The following EPB42 variants were observed in gnomAD, a reference collection of about 807,000 sequenced individuals.
The protein encoded by EPB42 is erythrocyte membrane protein band 4.2.
In EPB42, 49 loss-of-function variants were observed where a neutral mutation model predicts 76.9. The ratio of observed to expected loss-of-function variants is 0.64; its 90% CI spans 0.51 to 0.81. EPB42 has a LOEUF of 0.81. Ranked by LOEUF, EPB42 falls within the 30% of genes least tolerant of loss-of-function variation. EPB42 has a pLI of 0.00. For synonymous variants in EPB42, 310 were observed against 338.4 expected, an observed-to-expected ratio of 0.92 and a Z score of 0.92; for missense variants, 731 against 867.6, an observed-to-expected ratio of 0.84 and a Z score of 1.98.
At position 43,206,702 on chromosome 15, in the gene EPB42, C is replaced by CCATTTACCCACTTCTGCTCAAAT; in HGVS notation, c.1319-74_1319-73insATTTGAGCAGAAGTGGGTAAATG. On this transcript the variant is annotated intron_variant, in intron 9 of 12. Transcript: ENST00000441366. This position sits in a 1 kb window ranked among gnomAD's most constrained non-coding sequence, Gnocchi z 4.7. The stretch of plus-strand genomic sequence containing the variant: ...ATGCTTCTAATAAAACCCTGGGAAT[C>CCATTTACCCACTTCTGCTCAAAT]AAAACCATTTACCCACTTCTGCTCA... The CCATTTACCCACTTCTGCTCAAAT allele has an allele frequency of 6.4e-7, 1 of 1,571,252 alleles. No individual in the cohort carries two copies. Among genetic ancestry groups the CCATTTACCCACTTCTGCTCAAAT allele is most frequent in the Non-Finnish European group, 8.7e-7 (1 of 1,146,864 alleles).
intron 2 of EPB42, 152 bp downstream of exon 2, chr15:43,216,116 C>T (rs1410266222): frequency 4.6e-6 from 4 of 875,894 alleles, no homozygotes. Flanking sequence ...AATCTCGTGG[C>T]ACCCTCATGA....
At position 43,209,563 on chromosome 15, in the gene EPB42, A is replaced by G. The variant is rs913434701; in HGVS notation, c.655-112T>C. The G allele has an allele frequency of 9.2e-6, 11 of 1,192,800 alleles. No individual in the cohort carries two copies. In the Admixed American group the frequency reaches 2.3e-4, roughly 25 times the overall value. 73.9% of individuals were successfully genotyped at this position (1,192,800 alleles called of 1,614,324 possible). A position where few individuals can be genotyped will look rare whatever the true frequency, so the allele number is the denominator to read the frequency against. On this transcript the variant is annotated intron_variant, in intron 5 of 12. Coordinates refer to ENST00000441366, the MANE Select transcript of EPB42 (RefSeq NM_001114134.2). ...CTCCAACCATGGTGAACAGATCCCC[A>G]GCATTAGAGCCACCTGGTACTGGTT...
chr15:43,202,751 T>G (rs1010195940), intron 11 of EPB42, among the ~76,000 whole-genome samples: 9 of 152,140 alleles, frequency 5.9e-5, no homozygotes, highest in Non-Finnish European at 8.8e-5. Flanking sequence ...CTCACTTTTT[T>G]CATCTGAATA....
At chr15:43,209,226 G>C (rs751362029) in intron 6 of EPB42, 48 bp downstream of exon 6, 1 of 1,609,936 alleles carries the variant, frequency 6.2e-7, no homozygotes, top group East Asian at 2.2e-5. Flanking sequence ...GGGAGGCCAG[G>C]GAACAACCCA....
chr15:43,211,276 G>T, intron 4 of EPB42, 140 bp downstream of exon 4: 1 of 756,468 alleles, frequency 1.3e-6, no homozygotes. Context: ...AGAGGAAGGA[G>T]AGGCACCACA....
Position 43,207,287 on chromosome 15 carries a change from GT to G in EPB42, c.1229del (p.Asn410ThrfsTer70), listed in dbSNP as rs746144395. 1 of 1,614,190 alleles carries G rather than the reference GT, an allele frequency of 6.2e-7. No individual in the cohort carries two copies. The highest frequency in any genetic ancestry group is 1.3e-5 in the African/African-American group (1 of 75,030). ...TGATGTTGTTGCCAACATACTTTGT[GT>G]TGGAGTCAGTCAACTCCAGTGTCCC... Reference protein sequence around the residue: ...EDGTLELTDSNTKYVGNNIST... With the variant: ...EDGTLELTDSXTKYVGNNIST... On this transcript the variant is annotated frameshift_variant, in exon 9 of 13. Coordinates refer to ENST00000441366, the MANE Select transcript of EPB42 (RefSeq NM_001114134.2). LOFTEE classifies it high-confidence loss of function.
chr15:43,224,369 A>G (rs1007767072), upstream of EPB42, among the ~76,000 whole-genome samples: 6 of 152,194 alleles, frequency 3.9e-5, no homozygotes, highest in African/African-American at 7.2e-5. Context: ...TTTGGGGAGG[A>G]CACAATTCAG....
At chr15:43,222,430 G>A (rs1211502439), upstream of EPB42, among the ~76,000 whole-genome samples, 9 of 152,122 alleles carry the variant, frequency 5.9e-5, no homozygotes, top group African/African-American at 1.9e-4. Flanking sequence ...ACTTGGAAAC[G>A]GTATGGAGGG....
At chr15:43,217,043 T>C (rs1388694769) in intron 1 of EPB42, among the ~76,000 whole-genome samples, 1 of 152,188 alleles carries the variant, frequency 6.6e-6, no homozygotes, top group African/African-American at 2.4e-5. Flanking sequence ...CGGAGGTGGC[T>C]CAAGAGTATT....
At position 43,206,106 on chromosome 15, in the gene EPB42, C is replaced by T. The variant is rs1018371522; in HGVS notation, c.1618+224G>A. 5.5e-6 allele frequency: 3 copies of T among 542,498 alleles called. No individual in the cohort carries two copies. Among genetic ancestry groups the T allele is most frequent in the Admixed American group, 3.1e-5 (1 of 31,898 alleles). 33.6% of individuals were successfully genotyped at this position (542,498 alleles called of 1,614,324 possible). ...CACTTCTCACACTGCTACGAAGGGT[C>T]TGTTTACTTATCTGACTGCAGTTGG... On this transcript the variant is annotated intron_variant, in intron 10 of 12. Coordinates refer to ENST00000441366, the MANE Select transcript of EPB42 (RefSeq NM_001114134.2). This position sits in a 1 kb window ranked among gnomAD's most constrained non-coding sequence, Gnocchi z 4.7.
intron 12 of EPB42, among the ~76,000 whole-genome samples, chr15:43,201,624 G>C (rs558978762): frequency 6.6e-6 from 1 of 152,312 alleles, no homozygotes; most frequent in South Asian, 2.1e-4. Flanking sequence ...GGGCAGGCGG[G>C]TGCCCAAGGG....
chr15:43,205,014 T>A (rs1462738093), intron 10 of EPB42, among the ~76,000 whole-genome samples: 1 of 121,806 alleles, frequency 8.2e-6, no homozygotes, highest in Non-Finnish European at 1.6e-5. Context: ...GCAGCTAAGG[T>A]TAAGAAGCAC....
chr15:43,206,346 C>T lies in EPB42; in HGVS notation c.1602G>A (p.Thr534=), dbSNP rs149742998. 874 of 1,611,708 alleles carry T rather than the reference C, an allele frequency of 5.4e-4. 1 individual carries two copies. The highest frequency in any genetic ancestry group is 7.1e-4 in the Non-Finnish European group (834 of 1,178,124). The change falls in exon 10 of 13, where the codon ACG becomes ACA. Residue 534 remains threonine (T), a synonymous_variant. Transcript: ENST00000441366. This position sits in a 1 kb window ranked among gnomAD's most constrained non-coding sequence, Gnocchi z 4.7. ...GAGCATTACCCAGGTTGGCACTGAG[C>T]GTGAGGTGCAGCTTCTTCCTCCAGA... ...AKLWRKKLHL[T]LSANLEKIIT...
At chr15:43,209,518 A>T in intron 5 of EPB42, 67 bp from the exon 6 acceptor site, 1 of 1,530,266 alleles carries the variant, frequency 6.5e-7, no homozygotes, top group Non-Finnish European at 8.9e-7. Context: ...GGGCATGGGT[A>T]AGGAGGGCTC....
chr15:43,220,901 G>A lies in EPB42; in HGVS notation c.-76C>T. The A allele has an allele frequency of 1.5e-6, 2 of 1,377,220 alleles. No homozygotes were observed. Among genetic ancestry groups the A allele is most frequent in the Non-Finnish European group, 2.0e-6 (2 of 976,062 alleles). The allele number at this position is 1,377,220 out of a possible 1,614,324, so 85.3% of individuals were successfully genotyped here. A position where few individuals can be genotyped will look rare whatever the true frequency, so the allele number is the denominator to read the frequency against. On this transcript the variant is annotated 5_prime_UTR_variant, in exon 1 of 13. Transcript: ENST00000441366. ...AAACTGTTGCTTCTGGGCTCCTTCT[G>A]GGCTTTCTGTCTTCCAGACAGAAAA...
chr15:43,223,853 A>C (rs1335945846), upstream of EPB42, among the ~76,000 whole-genome samples: 1 of 152,208 alleles, frequency 6.6e-6, no homozygotes, highest in Non-Finnish European at 1.5e-5. Flanking sequence ...GGGTGCCTGT[A>C]ATCTCAGCTA....
chr15:43,207,119 C>A (rs767736775), intron 9 of EPB42, 80 bp downstream of exon 9: 489 of 1,596,108 alleles, frequency 3.1e-4, no homozygotes, highest in Non-Finnish European at 3.9e-4. Flanking sequence ...CTCTTTCTGG[C>A]TGCATCTACC....
intron 10 of EPB42, among the ~76,000 whole-genome samples, chr15:43,204,974 C>CA (rs58964768): frequency 0.028 from 4,088 of 145,148 alleles, 278 homozygotes; most frequent in African/African-American, 0.1. Flanking sequence ...GCCCCCCCCC[C>CA]AAAAAAAAGT....
Position 43,211,476 on chromosome 15 carries a change from A to G in EPB42, c.489T>C (p.Asn163=). The part of the protein sequence containing the change: ...AQRMEYLLNQ[N]GLIYLGTADC... Reference sequence around the variant, plus strand: ...CAGCTGTACCCAGGTAGATGAGACCATTCTGGTTCAACAAGTACTCCATGC... The same window carrying G: ...CAGCTGTACCCAGGTAGATGAGACCGTTCTGGTTCAACAAGTACTCCATGC... Residue 163 remains asparagine, a synonymous_variant, in exon 4 of 13, where the codon AAT becomes AAC. Transcript: ENST00000441366. 1 of 1,614,184 alleles carries G rather than the reference A, an allele frequency of 6.2e-7. No homozygotes were observed. The highest frequency in any genetic ancestry group is 1.1e-5 in the South Asian group (1 of 91,086).
Sources: gnomAD v4.1 joint callset for allele counts (sites outside exome capture counted in the v4.1 genomes callset) on GRCh38, gnomAD v4.1.1 for gene constraint, Gnocchi (gnomAD v3.1) non-coding constraint, MANE v1.5 for transcripts, NCBI Gene and HGNC (gene_info 2026-07-23, HGNC 2026-07-21) for gene names.